The following MGAT4C variants were observed in gnomAD, a reference collection of about 807,000 sequenced individuals.
MGAT4C encodes MGAT4 family member C.
In MGAT4C, 19 loss-of-function variants were observed where a neutral mutation model predicts 40.1. That is an observed-to-expected ratio of 0.47 (90% confidence interval 0.33 to 0.70). The LOEUF (loss-of-function observed/expected upper bound fraction) is 0.70. Ranked by LOEUF, MGAT4C falls within the 30% of genes least tolerant of loss-of-function variation. The pLI, the probability that MGAT4C is intolerant of heterozygous loss-of-function variation, is 0.02. For synonymous variants in MGAT4C, 181 were observed against 187.1 expected, an observed-to-expected ratio of 0.97 and a Z score of 0.27; for missense variants, 491 against 563.2, an observed-to-expected ratio of 0.87 and a Z score of 1.30.
intron 1 of MGAT4C, among the ~76,000 whole-genome samples, chr12:86,742,134 T>C (rs1315681170): frequency 6.6e-6 from 1 of 151,414 alleles, no homozygotes; most frequent in East Asian, 1.9e-4. Flanking sequence ...CAGAGATTCA[T>C]ATTTCATATA....
At chr12:86,605,723 T>C (rs1025421051) in intron 2 of MGAT4C, among the ~76,000 whole-genome samples, 1 of 152,164 alleles carries the variant, frequency 6.6e-6, no homozygotes, top group Admixed American at 6.6e-5. Flanking sequence ...TGAAACTGTG[T>C]AGCATTCCAT....
At chr12:86,596,115 G>A (rs1331920551) in intron 2 of MGAT4C, among the ~76,000 whole-genome samples, 1 of 151,530 alleles carries the variant, frequency 6.6e-6, no homozygotes, top group Non-Finnish European at 1.5e-5. Context: ...TTAAGTTCTA[G>A]GGTACATGTG....
chr12:86,203,587 AAT>A (rs1478100097), intron 1 of MGAT4C, among the ~76,000 whole-genome samples: 1 of 152,122 alleles, frequency 6.6e-6, no homozygotes, highest in Non-Finnish European at 1.5e-5. Flanking sequence ...TGCACCAGAC[AAT>A]ATGTTACCAG....
At chr12:86,452,456 T>C (rs191494885) in intron 2 of MGAT4C, among the ~76,000 whole-genome samples, 55 of 151,954 alleles carry the variant, frequency 3.6e-4, no homozygotes, top group Admixed American at 6.6e-4. Context: ...CCTTGTCTTG[T>C]GTGACTGCCA....
intron 2 of MGAT4C, among the ~76,000 whole-genome samples, chr12:86,646,091 A>G (rs2136528305): frequency 6.6e-6 from 1 of 151,928 alleles, no homozygotes; most frequent in Admixed American, 6.6e-5. Context: ...TATTTCTAAG[A>G]TTTGTCTGTA....
At chr12:86,587,296 T>G (rs1222972468) in intron 2 of MGAT4C, among the ~76,000 whole-genome samples, 1 of 152,126 alleles carries the variant, frequency 6.6e-6, no homozygotes, top group African/African-American at 2.4e-5. Context: ...GACTCTGTTC[T>G]GTTCCATTGA....
chr12:85,976,228 C>A lies in MGAT4C; in HGVS notation c.*3061G>T, dbSNP rs984824766. On this transcript the variant is annotated 3_prime_UTR_variant, in exon 5 of 5. Transcript: ENST00000611864. ...GCTATATGAAAGAAATAGATCTAAACGACAGGTTGGTTTCCAAATTATATT... is the reference window on the plus strand; with the variant it reads ...GCTATATGAAAGAAATAGATCTAAAAGACAGGTTGGTTTCCAAATTATATT... The A allele has an allele frequency of 6.6e-6, 1 of 150,960 alleles. No homozygotes were observed. Among genetic ancestry groups the A allele is most frequent in the South Asian group, 2.1e-4 (1 of 4,828 alleles). 9.4% of individuals were successfully genotyped at this position (150,960 alleles called of 1,614,324 possible).
At chr12:86,665,181 C>A (rs1020953429) in intron 2 of MGAT4C, among the ~76,000 whole-genome samples, 2 of 152,020 alleles carry the variant, frequency 1.3e-5, no homozygotes, top group Non-Finnish European at 2.9e-5. Flanking sequence ...GATCAGCCCA[C>A]AGCATAAGTA....
At chr12:86,438,652 A>T (rs535097117) in intron 2 of MGAT4C, among the ~76,000 whole-genome samples, 1 of 152,066 alleles carries the variant, frequency 6.6e-6, no homozygotes, top group East Asian at 1.9e-4. Flanking sequence ...CAATTATATA[A>T]ATGCTCCACT....
intron 1 of MGAT4C, among the ~76,000 whole-genome samples, chr12:86,063,813 C>T (rs951129270): frequency 5.3e-5 from 8 of 152,232 alleles, no homozygotes; most frequent in African/African-American, 1.9e-4. Context: ...AAGGGCATTA[C>T]ATAATGGTAA....
In MGAT4C at chr12:86,315,246, A is replaced by AAAT. The variant is rs1203492498; in HGVS notation, c.-57+18816_-57+18818dup. 2.0e-5 allele frequency among the ~76,000 whole-genome samples: 3 copies of AAAT among 152,198 alleles called. 1 individual carries two copies. The highest frequency in any genetic ancestry group is 4.4e-5 in the Non-Finnish European group (3 of 68,048). On this transcript the variant is annotated intron_variant, in intron 4 of 7. Transcript: ENST00000548651. ...ATCTGGTCTTTGACAAAGTTAAAAA[A>AAAT]AATAATAATAAATGGGAAAGCACTC...
intron 1 of MGAT4C, among the ~76,000 whole-genome samples, chr12:86,784,093 A>G (rs975688770): frequency 6.6e-6 from 1 of 151,724 alleles, no homozygotes; most frequent in Non-Finnish European, 1.5e-5. Flanking sequence ...TTCATCTACA[A>G]TATTCCTGAT....
At chr12:86,664,038 G>A (rs1252610172) in intron 2 of MGAT4C, among the ~76,000 whole-genome samples, 1 of 151,800 alleles carries the variant, frequency 6.6e-6, no homozygotes, top group Non-Finnish European at 1.5e-5. Context: ...TCAAACATTT[G>A]GAAATGCATT....
intron 2 of MGAT4C, among the ~76,000 whole-genome samples, chr12:86,496,835 C>G (rs939280307): frequency 6.6e-6 from 1 of 151,930 alleles, no homozygotes; most frequent in Admixed American, 6.6e-5. Flanking sequence ...TGTAATTGCT[C>G]TGAGTATTTT....
At chr12:86,521,942 A>G (rs1288151058) in intron 2 of MGAT4C, among the ~76,000 whole-genome samples, 1 of 152,060 alleles carries the variant, frequency 6.6e-6, no homozygotes, top group Admixed American at 6.6e-5. Flanking sequence ...GTGATTTTGT[A>G]CATTGATTTG....
intron 4 of MGAT4C, among the ~76,000 whole-genome samples, chr12:86,322,831 T>C (rs1032419868): frequency 1.3e-5 from 2 of 152,144 alleles, no homozygotes; most frequent in Non-Finnish European, 2.9e-5. Flanking sequence ...CAAGGTACTT[T>C]AGATTTGGAT....
intron 4 of MGAT4C, among the ~76,000 whole-genome samples, chr12:86,305,063 GT>G (rs1300747838): frequency 2.0e-5 from 3 of 150,640 alleles, no homozygotes; most frequent in African/African-American, 7.5e-5. Flanking sequence ...AAAAATAAAT[GT>G]AGTTTTAATT....
intron 1 of MGAT4C, among the ~76,000 whole-genome samples, chr12:86,731,912 C>T (rs1042171638): frequency 2.2e-4 from 34 of 152,180 alleles, no homozygotes; most frequent in Middle Eastern, 3.4e-3. Context: ...TCATTCAGCA[C>T]TAGAAGTCAA....
At chr12:86,156,197 A>G (rs940056913) in intron 1 of MGAT4C, among the ~76,000 whole-genome samples, 2 of 152,158 alleles carry the variant, frequency 1.3e-5, no homozygotes, top group Non-Finnish European at 2.9e-5. Flanking sequence ...GCATGTGTTC[A>G]TTTCATATTT....
Sources: allele counts gnomAD v4.1 joint callset (sites outside exome capture counted in the v4.1 genomes callset), GRCh38; gene constraint gnomAD v4.1.1; transcripts MANE v1.5; gene names NCBI Gene and HGNC (gene_info 2026-07-23, HGNC 2026-07-21).